Variants in UGT1A7 observed in about 807,000 individuals in gnomAD.
UGT1A7 encodes the protein UDP glucuronosyltransferase family 1 member A7.
UGT1A7 carries 33 observed loss-of-function variants against 45.6 expected under a neutral mutation model. The observed-to-expected ratio is 0.72, with a 90% CI of 0.55 to 0.97. UGT1A7 has a LOEUF of 0.97. Among genes scored for constraint, UGT1A7 ranks in the 50% least tolerant of loss-of-function variants. The pLI is 0.00. For missense variants in UGT1A7, 684 were observed against 666.2 expected (o/e 1.03, Z -0.29); for synonymous variants, 274 against 250.6 (o/e 1.09, Z -0.88).
chr2:233,690,029 C>A, intron 1 of UGT1A7: 1 of 430,514 alleles, frequency 2.3e-6, no homozygotes, highest in Non-Finnish European at 4.6e-6. Flanking sequence ...TCCTCAAGAT[C>A]TGGGCCCAGA....
intron 1 of UGT1A7, among the ~76,000 whole-genome samples, chr2:233,694,040 T>C (rs1407737408): frequency 6.6e-6 from 1 of 152,276 alleles, no homozygotes; most frequent in African/African-American, 2.4e-5. Flanking sequence ...GCTGAAGTGA[T>C]ACAGAGGCAT....
chr2:233,747,280 C>A, intron 1 of UGT1A7: 3 of 1,599,268 alleles, frequency 1.9e-6, no homozygotes, highest in Non-Finnish European at 2.6e-6. Flanking sequence ...TCTCAGTGCC[C>A]AGCCCTGGGC....
chr2:233,693,154 T>A (rs774068638), intron 1 of UGT1A7: 1 of 1,614,252 alleles, frequency 6.2e-7, no homozygotes, highest in Non-Finnish European at 8.5e-7. Context: ...AGGTTCTCAG[T>A]GACCGGGGTC....
At chr2:233,708,987 T>G (rs1038363322) in intron 1 of UGT1A7, among the ~76,000 whole-genome samples, 2 of 152,196 alleles carry the variant, frequency 1.3e-5, no homozygotes, top group Non-Finnish European at 2.9e-5. Flanking sequence ...TCCTCGGCCG[T>G]GGCATCCTTC....
Position 233,751,190 on chromosome 2 carries a change from G to C in UGT1A7, c.856-15844G>C, listed in dbSNP as rs551144438. Among the ~76,000 whole-genome samples the C allele has an allele frequency of 1.2e-4, 18 of 152,080 alleles. 2 individuals carry two copies. Among genetic ancestry groups the C allele is most frequent in the African/African-American group, 4.4e-4 (18 of 41,324 alleles). ...CCTAGATATGAGACATGAAGTTAAA[G>C]GTGATAATTTTGGAGCTTTAAGATT... On this transcript the variant is annotated intron_variant, in intron 1 of 4. Transcript: ENST00000373426.
intron 1 of UGT1A7, chr2:233,691,386 T>C: frequency 1.0e-6 from 1 of 985,586 alleles, no homozygotes; most frequent in Non-Finnish European, 1.2e-6. Flanking sequence ...ATGTTCCCCA[T>C]GGGGGCCAGC....
At position 233,769,612 on chromosome 2, in the gene UGT1A7, G is replaced by A. The variant is rs1699905681; in HGVS notation, c.1295+1173G>A. ...GGAGACGGAACACGGGGACACACCA[G>A]CTTGAGCAAGGGACAACAGGGGAGG... On this transcript the variant is annotated intron_variant, in intron 4 of 4. Transcript: ENST00000373426. This position sits in a 1 kb window ranked among gnomAD's most constrained non-coding sequence, Gnocchi z 4.4. 1 of 1,612,734 alleles carries A rather than the reference G, an allele frequency of 6.2e-7. No homozygotes were observed. The highest frequency in any genetic ancestry group is 8.5e-7 in the Non-Finnish European group (1 of 1,179,852).
chr2:233,756,002 A>C (rs541180678), intron 1 of UGT1A7: 11 of 152,292 alleles, frequency 7.2e-5, no homozygotes, highest in South Asian at 6.2e-4. Context: ...TCTGCATTCT[A>C]TCTATTGTGA....
At chr2:233,718,543 A>G (rs2076662148) in intron 1 of UGT1A7, among the ~76,000 whole-genome samples, 1 of 152,222 alleles carries the variant, frequency 6.6e-6, no homozygotes. Flanking sequence ...TTGGGAATTG[A>G]ATGAGAAAGA....
At chr2:233,743,265 C>T (rs1186542660) in intron 1 of UGT1A7, 3 of 455,180 alleles carry the variant, frequency 6.6e-6, no homozygotes, top group Admixed American at 3.0e-5. Flanking sequence ...CATCTTCCTC[C>T]ACTTCCACCC....
At chr2:233,716,488 C>G (rs371843932) in intron 1 of UGT1A7, among the ~76,000 whole-genome samples, 4 of 152,302 alleles carry the variant, frequency 2.6e-5, no homozygotes, top group African/African-American at 9.6e-5. Flanking sequence ...CCGTAGTCTT[C>G]TATTCTCCAG....
At chr2:233,718,400 G>C (rs565525748) in intron 1 of UGT1A7, among the ~76,000 whole-genome samples, 7 of 152,362 alleles carry the variant, frequency 4.6e-5, no homozygotes, top group Admixed American at 3.9e-4. Flanking sequence ...TTAGCAAATA[G>C]CGTCACATTC....
chr2:233,714,057 A>C (rs2076363113), intron 1 of UGT1A7, among the ~76,000 whole-genome samples: 1 of 152,148 alleles, frequency 6.6e-6, no homozygotes, highest in African/African-American at 2.4e-5. Context: ...GGCCACTGAG[A>C]GGAAGGAGAG....
At chr2:233,706,181 G>A (rs1050859033) in intron 1 of UGT1A7, among the ~76,000 whole-genome samples, 7 of 152,212 alleles carry the variant, frequency 4.6e-5, no homozygotes, top group African/African-American at 1.4e-4. Context: ...TGGTGTGTCT[G>A]CCCAGGCTGC....
Position 233,713,355 on chromosome 2 carries a change from T to C in UGT1A7, c.855+30563T>C, listed in dbSNP as rs1432041906. 4 of 1,614,234 alleles carry C rather than the reference T, an allele frequency of 2.5e-6. No individual in the cohort carries two copies. In the East Asian group the frequency reaches 8.9e-5, roughly 36 times the overall value. On this transcript the variant is annotated intron_variant, in intron 1 of 4. Coordinates refer to ENST00000373426, the MANE Select transcript of UGT1A7 (RefSeq NM_019077.3). ...AATGGCAATTATGAACAATATGTCT[T>C]TGATCATACATAGGTCTTGTGTGGA...
chr2:233,748,199 G>A (rs1164871167), intron 1 of UGT1A7: 58 of 1,533,096 alleles, frequency 3.8e-5, no homozygotes, highest in Non-Finnish European at 4.6e-5. Context: ...TCTGCTTGTC[G>A]TAATAGCCTT....
At chr2:233,755,106 A>C in intron 1 of UGT1A7, 1 of 1,334,076 alleles carries the variant, frequency 7.5e-7, no homozygotes, top group Non-Finnish European at 1.0e-6. Flanking sequence ...GTCCGACAAC[A>C]CCTCGTAGGC....
At chr2:233,749,415 A>G (rs1694185994) in intron 1 of UGT1A7, among the ~76,000 whole-genome samples, 1 of 151,912 alleles carries the variant, frequency 6.6e-6, no homozygotes, top group Non-Finnish European at 1.5e-5. Context: ...TGTTAACTAC[A>G]TTGCTCAAAA....
intron 1 of UGT1A7, among the ~76,000 whole-genome samples, chr2:233,757,562 G>GTATATATATA (rs1491042837): frequency 2.2e-5 from 2 of 90,868 alleles, no homozygotes; most frequent in Admixed American, 1.0e-4. Flanking sequence ...ATATATATAT[G>GTATATATATA]TATATATGAT....
Sources: gnomAD v4.1 joint callset for allele counts (sites outside exome capture counted in the v4.1 genomes callset) on GRCh38, gnomAD v4.1.1 for gene constraint, Gnocchi (gnomAD v3.1) non-coding constraint, MANE v1.5 for transcripts, NCBI Gene and HGNC (gene_info 2026-07-23, HGNC 2026-07-21) for gene names.